HIVEP3: variants seen among roughly 807,000 people sequenced by gnomAD.
The protein encoded by HIVEP3 is HIVEP zinc finger 3, also known as transcription factor HIVEP3.
HIVEP3 carries 49 observed loss-of-function variants against 152.8 expected under a neutral mutation model. That is an observed-to-expected ratio of 0.32 (90% confidence interval 0.26 to 0.41). HIVEP3 has a LOEUF of 0.41. Among genes scored for constraint, HIVEP3 ranks in the 10% least tolerant of loss-of-function variants. The pLI is 1.00. For missense variants in HIVEP3, 2,790 were observed against 3,103.3 expected, an observed-to-expected ratio of 0.90 and a Z score of 2.40; for synonymous variants, 1,269 against 1,289.0, an observed-to-expected ratio of 0.98 and a Z score of 0.33.
chr1:41,872,200 C>T (rs941797751), intron 1 of HIVEP3, among the ~76,000 whole-genome samples: 1 of 152,152 alleles, frequency 6.6e-6, no homozygotes, highest in Non-Finnish European at 1.5e-5. Context: ...AGCAGGTTCA[C>T]AAAGACTCCA....
intron 1 of HIVEP3, among the ~76,000 whole-genome samples, chr1:41,991,187 C>A (rs1004514547): frequency 2.0e-5 from 3 of 151,954 alleles, no homozygotes; most frequent in African/African-American, 7.2e-5. Flanking sequence ...CACAAAAAAC[C>A]CTTCAAAAAA....
chr1:41,603,266 C>T (rs888801263), intron 3 of HIVEP3, among the ~76,000 whole-genome samples: 1 of 152,074 alleles, frequency 6.6e-6, no homozygotes, highest in Non-Finnish European at 1.5e-5. Context: ...TGTGGTTTCA[C>T]CATGTTGGCC....
chr1:41,685,217 C>G (rs997898999), intron 2 of HIVEP3, among the ~76,000 whole-genome samples: 1 of 152,184 alleles, frequency 6.6e-6, no homozygotes, highest in Non-Finnish European at 1.5e-5. Flanking sequence ...AGGTGCTACT[C>G]CCCCAAACAG....
intron 2 of HIVEP3, among the ~76,000 whole-genome samples, chr1:41,671,499 C>A (rs1392484633): frequency 6.6e-6 from 1 of 152,258 alleles, no homozygotes; most frequent in Non-Finnish European, 1.5e-5. Context: ...GGGAAGGCCT[C>A]AGGAGCTGTG....
intron 2 of HIVEP3, among the ~76,000 whole-genome samples, chr1:41,650,700 G>A (rs911509451): frequency 1.3e-4 from 20 of 151,906 alleles, no homozygotes; most frequent in Admixed American, 1.3e-4. Flanking sequence ...TTCTCTGAGC[G>A]CAGAAACATT....
intron 1 of HIVEP3, among the ~76,000 whole-genome samples, chr1:41,752,320 G>A (rs1274191640): frequency 6.6e-6 from 1 of 152,220 alleles, no homozygotes; most frequent in African/African-American, 2.4e-5. Flanking sequence ...CTTCTGGGGA[G>A]CCCTCACTGA....
chr1:41,889,696 CTG>C (rs953995696), intron 1 of HIVEP3, among the ~76,000 whole-genome samples: 1 of 152,144 alleles, frequency 6.6e-6, no homozygotes, highest in African/African-American at 2.4e-5. Context: ...GTAGGGAGCC[CTG>C]TGGGGAATGA....
intron 1 of HIVEP3, among the ~76,000 whole-genome samples, chr1:41,807,295 G>A (rs929045709): frequency 6.6e-6 from 1 of 152,188 alleles, no homozygotes; most frequent in Non-Finnish European, 1.5e-5. Flanking sequence ...AGAAGACGAT[G>A]AAGGGAAGTG....
chr1:41,925,969 C>T (rs1471098738), intron 1 of HIVEP3, among the ~76,000 whole-genome samples: 1 of 152,170 alleles, frequency 6.6e-6, no homozygotes, highest in Non-Finnish European at 1.5e-5. Flanking sequence ...CAGCCATACT[C>T]TTAAAGGGAA....
At chr1:41,513,806 A>G in intron 7 of HIVEP3, 56 bp from the exon 8 acceptor site, 2 of 1,391,758 alleles carry the variant, frequency 1.4e-6, no homozygotes, top group South Asian at 3.2e-5. Flanking sequence ...CCCACTGCCC[A>G]CACGGCTGCT....
intron 5 of HIVEP3, among the ~76,000 whole-genome samples, chr1:41,574,195 G>T (rs61773674): frequency 1.3e-5 from 2 of 152,032 alleles, no homozygotes; most frequent in Non-Finnish European, 2.9e-5. Flanking sequence ...AGGGCCAGTC[G>T]CTGTGAGCAG....
intron 3 of HIVEP3, among the ~76,000 whole-genome samples, chr1:41,605,708 C>T (rs1385592393): frequency 6.6e-6 from 1 of 151,812 alleles, no homozygotes. Context: ...AACAGGATCT[C>T]ACCGAGCAGA....
intron 1 of HIVEP3, among the ~76,000 whole-genome samples, chr1:42,006,735 C>A (rs776625698): frequency 2.6e-5 from 4 of 152,032 alleles, no homozygotes; most frequent in Non-Finnish European, 4.4e-5. Flanking sequence ...CACTGTACAC[C>A]CGTGAGAATG....
At chr1:41,928,441 G>C (rs1644978901) in intron 1 of HIVEP3, among the ~76,000 whole-genome samples, 1 of 152,156 alleles carries the variant, frequency 6.6e-6, no homozygotes. Flanking sequence ...CCTTTACCCA[G>C]TTTTCACTAA....
At chr1:41,885,061 A>C (rs962630569) in intron 1 of HIVEP3, among the ~76,000 whole-genome samples, 4 of 152,152 alleles carry the variant, frequency 2.6e-5, no homozygotes, top group African/African-American at 9.7e-5. Context: ...TTATTATACA[A>C]GCTCTGCACC....
chr1:41,765,826 A>G (rs1647973371), intron 1 of HIVEP3, among the ~76,000 whole-genome samples: 1 of 151,992 alleles, frequency 6.6e-6, no homozygotes, highest in Non-Finnish European at 1.5e-5. Flanking sequence ...CATGGGGTCC[A>G]TATGTCACAG....
intron 1 of HIVEP3, among the ~76,000 whole-genome samples, chr1:41,853,305 A>C (rs1643655608): frequency 6.6e-6 from 1 of 152,144 alleles, no homozygotes. Context: ...AGACTGGGTG[A>C]TTTATAAAGG....
rs867886103 is a variant in HIVEP3 at position 41,580,387 on chromosome 1, C to T, written c.4411G>A (p.Val1471Ile). Residue 1471 changes from valine (V) to isoleucine (I), a missense_variant, in exon 4 of 9, where the codon GTC becomes ATC. Transcript: ENST00000372583. Reference protein sequence around the residue: ...KLELVKPCSVVLTSTEDGKRP... With the variant: ...KLELVKPCSVILTSTEDGKRP... The stretch of plus-strand genomic sequence containing the variant: ...TTCCCATCCTCGGTGCTGGTAAGGA[C>T]CACACTGCATGGTTTTACCAGCTCA... 1 of 1,614,070 alleles carries T rather than the reference C, an allele frequency of 6.2e-7. No homozygotes were observed. Among genetic ancestry groups the T allele is most frequent in the East Asian group, 2.2e-5 (1 of 44,888 alleles).
At chr1:41,616,015 G>A (rs537420598) in intron 3 of HIVEP3, among the ~76,000 whole-genome samples, 11 of 152,050 alleles carry the variant, frequency 7.2e-5, no homozygotes, top group African/African-American at 2.7e-4. Context: ...ATCTCAAGTG[G>A]TTTAACCAAA....
Sources: gnomAD v4.1 joint callset for allele counts (sites outside exome capture counted in the v4.1 genomes callset) on GRCh38, gnomAD v4.1.1 for gene constraint, MANE v1.5 for transcripts, NCBI Gene and HGNC (gene_info 2026-07-23, HGNC 2026-07-21) for gene names.